GPC5: variants seen among roughly 807,000 people sequenced by gnomAD.
The protein encoded by GPC5 is glypican 5.
Under a neutral mutation model 53.9 loss-of-function variants are expected in GPC5, and 47 were observed. The observed-to-expected ratio is 0.87, with a 90% CI of 0.69 to 1.11. The LOEUF (loss-of-function observed/expected upper bound fraction) is 1.11. Among genes scored for constraint, GPC5 ranks in the 50% most tolerant of loss-of-function variants. GPC5 has a pLI of 0.00. For synonymous variants in GPC5, 286 were observed against 263.3 expected (o/e 1.09, Z -0.84); for missense variants, 748 against 713.1 (o/e 1.05, Z -0.56).
chr13:91,881,805 G>T (rs558050408), intron 5 of GPC5, among the ~76,000 whole-genome samples: 2 of 152,214 alleles, frequency 1.3e-5, no homozygotes, highest in East Asian at 3.9e-4. Context: ...ATGTTACTCT[G>T]TTGATACCTC....
chr13:92,256,932 G>A (rs901706457), intron 7 of GPC5, among the ~76,000 whole-genome samples: 2 of 152,080 alleles, frequency 1.3e-5, no homozygotes, highest in African/African-American at 4.8e-5. Flanking sequence ...ACACACAGCA[G>A]TAAATAAAAA....
In GPC5 at chr13:92,383,070, C is replaced by CA. The variant is rs2043763835; in HGVS notation, c.1561+238082dup. On this transcript the variant is annotated intron_variant, in intron 7 of 7. Transcript: ENST00000377067. ...GAATACTTTCATAATTGCAAGATAG[C>CA]AGACAAAAGCATTCAGTTCATTGGC... Among the ~76,000 whole-genome samples the CA allele has an allele frequency of 8.0e-5, 12 of 149,898 alleles. No homozygotes were observed. The South Asian group carries it at 2.5e-3, about 31-fold the overall frequency.
chr13:91,630,627 T>A (rs2034131888), intron 2 of GPC5, among the ~76,000 whole-genome samples: 1 of 152,082 alleles, frequency 6.6e-6, no homozygotes, highest in African/African-American at 2.4e-5. Flanking sequence ...CAGTATCAGA[T>A]CTCCCCAAAG....
chr13:91,939,653 A>G (rs897905435), intron 6 of GPC5, among the ~76,000 whole-genome samples: 2 of 152,166 alleles, frequency 1.3e-5, no homozygotes, highest in Non-Finnish European at 2.9e-5. Context: ...ACTTGTTCCA[A>G]GATGTTAAAG....
intron 3 of GPC5, among the ~76,000 whole-genome samples, chr13:91,725,833 G>T (rs1292515045): frequency 6.6e-6 from 1 of 151,706 alleles, no homozygotes; most frequent in African/African-American, 2.4e-5. Context: ...TTATTTTCTT[G>T]AGTTTCAAAG....
chr13:91,670,043 G>T (rs755659731), intron 2 of GPC5, among the ~76,000 whole-genome samples: 1 of 152,200 alleles, frequency 6.6e-6, no homozygotes, highest in Non-Finnish European at 1.5e-5. Context: ...GAATAGTCTA[G>T]ATTAGAATGG....
intron 7 of GPC5, among the ~76,000 whole-genome samples, chr13:92,519,915 A>T (rs1047865054): frequency 1.3e-5 from 2 of 152,222 alleles, no homozygotes; most frequent in Non-Finnish European, 2.9e-5. Context: ...GAGAAGAATC[A>T]AATAGACGCA....
intron 5 of GPC5, among the ~76,000 whole-genome samples, chr13:91,899,723 G>A (rs1221983949): frequency 1.3e-5 from 2 of 152,136 alleles, no homozygotes; most frequent in Non-Finnish European, 2.9e-5. Context: ...AGACACACAC[G>A]GAGAAGGTCA....
intron 7 of GPC5, among the ~76,000 whole-genome samples, chr13:92,627,588 G>A (rs541143093): frequency 1.3e-5 from 2 of 152,202 alleles, no homozygotes; most frequent in South Asian, 4.1e-4. Flanking sequence ...ATGAAATATG[G>A]CATTTCTACA....
chr13:92,519,107 G>A (rs1394973288), intron 7 of GPC5, among the ~76,000 whole-genome samples: 5 of 152,172 alleles, frequency 3.3e-5, no homozygotes, highest in African/African-American at 1.2e-4. Context: ...ACCCAATGCA[G>A]GAGCACCCAG....
chr13:92,047,805 C>CT (rs913384566), intron 6 of GPC5, among the ~76,000 whole-genome samples: 8 of 69,618 alleles, frequency 1.1e-4, no homozygotes, highest in South Asian at 4.2e-4. Flanking sequence ...TCTGTCTCTA[C>CT]TAAAAAAAAA....
chr13:91,865,331 TA>T (rs889294113), intron 5 of GPC5, among the ~76,000 whole-genome samples: 12 of 151,918 alleles, frequency 7.9e-5, no homozygotes, highest in South Asian at 6.2e-4. Context: ...CACTTTCTCT[TA>T]AAAAAAATGT....
intron 7 of GPC5, among the ~76,000 whole-genome samples, chr13:92,822,582 C>T (rs1428869039): frequency 6.6e-6 from 1 of 152,110 alleles, no homozygotes; most frequent in African/African-American, 2.4e-5. Flanking sequence ...AAGTTAGCTG[C>T]AACCCCAGAG....
rs536679636 is a variant in GPC5 at position 92,217,167 on chromosome 13, G to A, written c.1561+72178G>A. Among the ~76,000 whole-genome samples, 219 of 152,138 alleles carry A rather than the reference G, an allele frequency of 1.4e-3. 2 individuals carry two copies. The highest frequency in any genetic ancestry group is 2.2e-3 in the Non-Finnish European group (149 of 68,016). Reference sequence around the variant, plus strand: ...TTTTTCAGGCATGAACAGTGCATTCGCAATGGTTGTAAATTCCCTATACTA... The same window carrying A: ...TTTTTCAGGCATGAACAGTGCATTCACAATGGTTGTAAATTCCCTATACTA... On this transcript the variant is annotated intron_variant, in intron 7 of 7. Transcript: ENST00000377067.
intron 7 of GPC5, among the ~76,000 whole-genome samples, chr13:92,813,452 T>C (rs1594524187): frequency 1.3e-5 from 2 of 152,126 alleles, no homozygotes; most frequent in Admixed American, 6.5e-5. Context: ...TCATCTCTTA[T>C]TCAGCATTCC....
At position 92,833,521 on chromosome 13, in the gene GPC5, T is replaced by A. The variant is rs190257712; in HGVS notation, c.1562-32761T>A. Among the ~76,000 whole-genome samples, 8 of 152,274 alleles carry A rather than the reference T, an allele frequency of 5.3e-5. No individual in the cohort carries two copies. The East Asian group carries it at 7.7e-4, about 15-fold the overall frequency. On this transcript the variant is annotated intron_variant, in intron 7 of 7. Coordinates refer to ENST00000377067, the MANE Select transcript of GPC5 (RefSeq NM_004466.6). ...ATTAATGCATTCATTCTTTGAAAAA[T>A]TGATGTTTTTCTTTATCCTCTGCAC...
chr13:92,548,899 T>C (rs1365586188), intron 7 of GPC5, among the ~76,000 whole-genome samples: 3 of 152,036 alleles, frequency 2.0e-5, no homozygotes, highest in Non-Finnish European at 4.4e-5. Context: ...ATATCTAACA[T>C]GTACCCACAA....
At chr13:91,751,015 T>C (rs1426571979) in intron 4 of GPC5, among the ~76,000 whole-genome samples, 2 of 152,074 alleles carry the variant, frequency 1.3e-5, no homozygotes, top group East Asian at 3.9e-4. Context: ...ATCCCCTCCT[T>C]TACCACCATC....
chr13:92,752,709 A>G (rs1400283497), intron 7 of GPC5, among the ~76,000 whole-genome samples: 1 of 152,086 alleles, frequency 6.6e-6, no homozygotes, highest in East Asian at 1.9e-4. Flanking sequence ...TCCCTTTCCT[A>G]GTCAAAGAAA....
Sources: allele counts gnomAD v4.1 joint callset (sites outside exome capture counted in the v4.1 genomes callset), GRCh38; gene constraint gnomAD v4.1.1; transcripts MANE v1.5; gene names NCBI Gene and HGNC (gene_info 2026-07-23, HGNC 2026-07-21).